Variants in CMSS1 observed in about 807,000 individuals in gnomAD.
CMSS1 encodes protein CMSS1.
Under a neutral mutation model 43.5 loss-of-function variants are expected in CMSS1, and 33 were observed. The observed-to-expected ratio is 0.76, with a 90% CI of 0.57 to 1.01. CMSS1 has a LOEUF of 1.01. CMSS1 is among the 50% of genes least tolerant of loss of function. The pLI, the probability that CMSS1 is intolerant of heterozygous loss-of-function variation, is 0.00. For missense variants in CMSS1, 313 were observed against 326.4 expected (o/e 0.96, Z 0.32); for synonymous variants, 115 against 117.2 (o/e 0.98, Z 0.12).
intron 1 of CMSS1, among the ~76,000 whole-genome samples, chr3:100,113,845 A>T (rs2066530332): frequency 6.6e-6 from 1 of 152,206 alleles, no homozygotes; most frequent in Admixed American, 6.5e-5. Context: ...ACCTACTGTC[A>T]GGATAGTTCC....
chr3:100,148,522 A>AG (rs2066874094), intron 2 of CMSS1, among the ~76,000 whole-genome samples: 1 of 152,216 alleles, frequency 6.6e-6, no homozygotes, highest in Non-Finnish European at 1.5e-5. Flanking sequence ...TTTGTGACCC[A>AG]GCTCAGGATA....
intron 1 of CMSS1, chr3:100,039,756 C>CT (rs559735123): frequency 2.5e-3 from 350 of 141,392 alleles, no homozygotes; most frequent in African/African-American, 4.2e-3. Flanking sequence ...CGACTTTCTT[C>CT]TTTTTTTTTT....
intron 1 of CMSS1, among the ~76,000 whole-genome samples, chr3:99,826,618 G>A (rs1942541001): frequency 1.3e-5 from 2 of 152,166 alleles, no homozygotes; most frequent in South Asian, 2.1e-4. Context: ...AAGTCACATC[G>A]TGAATTGTAT....
intron 6 of CMSS1, among the ~76,000 whole-genome samples, chr3:100,168,562 ATACTTACCAAAACT>A (rs1481667969): frequency 2.0e-5 from 3 of 152,104 alleles, no homozygotes; most frequent in African/African-American, 7.2e-5. Context: ...ACCATGGAAT[ATACTTACCAAAACT>A]TATGTACAGA....
intron 1 of CMSS1, among the ~76,000 whole-genome samples, chr3:100,021,802 T>TAAATGATTA (rs2064822279): frequency 6.6e-6 from 1 of 152,194 alleles, no homozygotes; most frequent in African/African-American, 2.4e-5. Flanking sequence ...AGATATCCCC[T>TAAATGATTA]AAATGATTAA....
At chr3:99,818,818 C>T (rs895172930) in intron 1 of CMSS1, among the ~76,000 whole-genome samples, 22 of 152,226 alleles carry the variant, frequency 1.4e-4, no homozygotes, top group African/African-American at 5.3e-4. Context: ...GCTGTGTTTA[C>T]CAACTCCTGA....
chr3:99,963,697 G>A (rs1213704489), intron 1 of CMSS1, among the ~76,000 whole-genome samples: 2 of 151,384 alleles, frequency 1.3e-5, no homozygotes, highest in East Asian at 1.9e-4. Flanking sequence ...CTGCAGCCTC[G>A]CCTCCAGGGT....
At chr3:100,047,021 T>C (rs758533938) in intron 1 of CMSS1, among the ~76,000 whole-genome samples, 20 of 152,216 alleles carry the variant, frequency 1.3e-4, no homozygotes, top group African/African-American at 1.9e-4. Context: ...TGCTCCCGAC[T>C]TGAGTTTTCA....
intron 1 of CMSS1, among the ~76,000 whole-genome samples, chr3:99,992,002 ATG>A (rs1201211092): frequency 6.7e-5 from 10 of 149,716 alleles, no homozygotes; most frequent in South Asian, 2.1e-4. Flanking sequence ...ACGTATATAT[ATG>A]TGTGTGTGTA....
intron 1 of CMSS1, among the ~76,000 whole-genome samples, chr3:100,093,785 A>G (rs1296899649): frequency 6.6e-6 from 1 of 152,254 alleles, no homozygotes; most frequent in Non-Finnish European, 1.5e-5. Context: ...ACAGTATATA[A>G]ATAGAATCAT....
intron 1 of CMSS1, among the ~76,000 whole-genome samples, chr3:99,864,075 TG>T (rs1426018758): frequency 6.6e-6 from 1 of 152,236 alleles, no homozygotes; most frequent in African/African-American, 2.4e-5. Flanking sequence ...GGAATTAATA[TG>T]TAGGAGGTAT....
intron 1 of CMSS1, among the ~76,000 whole-genome samples, chr3:99,993,337 G>A (rs753819555): frequency 1.8e-4 from 28 of 152,006 alleles, no homozygotes; most frequent in Non-Finnish European, 3.5e-4. Flanking sequence ...TTGGAGCTTG[G>A]AACTTCACTA....
intron 1 of CMSS1, among the ~76,000 whole-genome samples, chr3:99,858,997 G>A (rs753167370): frequency 3.9e-5 from 6 of 152,170 alleles, no homozygotes; most frequent in South Asian, 2.1e-4. Context: ...CTTGCTAACC[G>A]TCAAACATAG....
chr3:99,879,389 GA>G (rs1223304615), intron 1 of CMSS1, among the ~76,000 whole-genome samples: 1 of 152,202 alleles, frequency 6.6e-6, no homozygotes, highest in Non-Finnish European at 1.5e-5. Context: ...TGTTATTAGT[GA>G]AGTCAGTTGC....
chr3:100,044,071 A>G (rs1205050692), intron 1 of CMSS1, among the ~76,000 whole-genome samples: 4 of 152,208 alleles, frequency 2.6e-5, no homozygotes, highest in African/African-American at 9.6e-5. Context: ...CCATATTTCT[A>G]TGACAAACTC....
intron 1 of CMSS1, chr3:100,040,024 A>G (rs2065177760): frequency 6.6e-6 from 1 of 152,210 alleles, no homozygotes; most frequent in African/African-American, 2.4e-5. Context: ...AAATGCTGGG[A>G]TTACAGGCAT....
intron 1 of CMSS1, among the ~76,000 whole-genome samples, chr3:99,975,971 G>A (rs569493635): frequency 5.5e-4 from 84 of 152,244 alleles, no homozygotes; most frequent in African/African-American, 2.0e-3. Context: ...TGCAACCTCC[G>A]CCTCCTGGGT....
Position 100,171,826 on chromosome 3 carries a change from T to C in CMSS1, c.519-13T>C. On this transcript the variant is annotated splice_polypyrimidine_tract_variant and intron_variant, in intron 6 of 9. Transcript: ENST00000421999. ...TTGGTTTTCTTAAGCATTCACCTGC[T>C]TCTTTTCATTAGGTCGATGACAGCA... 1 of 1,613,094 alleles carries C rather than the reference T, an allele frequency of 6.2e-7. No individual in the cohort carries two copies. Among genetic ancestry groups the C allele is most frequent in the Non-Finnish European group, 8.5e-7 (1 of 1,179,118 alleles).
intron 1 of CMSS1, among the ~76,000 whole-genome samples, chr3:99,953,244 C>A (rs1270801405): frequency 6.6e-6 from 1 of 152,092 alleles, no homozygotes; most frequent in Non-Finnish European, 1.5e-5. Flanking sequence ...ATTGGTTAAG[C>A]TATAACCAAT....
Sources: gnomAD v4.1 joint callset for allele counts (sites outside exome capture counted in the v4.1 genomes callset) on GRCh38, gnomAD v4.1.1 for gene constraint, MANE v1.5 for transcripts, NCBI Gene and HGNC (gene_info 2026-07-23, HGNC 2026-07-21) for gene names.